Variants in FSD2 observed in about 807,000 individuals in gnomAD.
FSD2 encodes the protein fibronectin type III and SPRY domain containing 2, also known as fibronectin type III and SPRY domain-containing protein 2.
A neutral mutation model predicts 80.4 loss-of-function variants in FSD2; 71 were observed. That is an observed-to-expected ratio of 0.88 (90% CI 0.73 to 1.08). The LOEUF is 1.08. Ranked by LOEUF, FSD2 falls within the 50% of genes least tolerant of loss-of-function variation. FSD2 has a pLI of 0.00. For missense variants in FSD2, 923 were observed against 913.8 expected (o/e 1.01, Z -0.13); for synonymous variants, 361 against 329.5 (o/e 1.10, Z -1.03).
At chr15:82,789,427 G>GTGTTAGGCAGTTTATA (rs1567316576) in intron 1 of FSD2, among the ~76,000 whole-genome samples, 9 of 151,724 alleles carry the variant, frequency 5.9e-5, no homozygotes, top group African/African-American at 2.2e-4. Flanking sequence ...AACACTTATC[G>GTGTTAGGCAGTTTATA]TATGCCTTTT....
chr15:82,776,868 A>G (rs2049725086), intron 6 of FSD2, among the ~76,000 whole-genome samples: 1 of 152,234 alleles, frequency 6.6e-6, no homozygotes, highest in African/African-American at 2.4e-5. Context: ...AGTATGGTAC[A>G]GGCATAAGGA....
rs1187009820 is a variant in FSD2 at position 82,797,049 on chromosome 15, AG to A, written c.-79+8916del. ...AAAAAAAAAAAAAAAAAACACCTCCAGGGGACTAAATGGAAGGACAATTTGA... is the reference window on the plus strand; with the variant it reads ...AAAAAAAAAAAAAAAAAACACCTCCAGGGACTAAATGGAAGGACAATTTGA... On this transcript the variant is annotated intron_variant, in intron 1 of 12. Transcript: ENST00000334574. Among the ~76,000 whole-genome samples the A allele has an allele frequency of 1.4e-4, 20 of 147,650 alleles. No individual in the cohort carries two copies. In the Admixed American group the frequency reaches 1.4e-3, roughly 10 times the overall value.
chr15:82,762,841 G>C (rs767811977), intron 11 of FSD2, among the ~76,000 whole-genome samples: 17 of 152,160 alleles, frequency 1.1e-4, no homozygotes, highest in Non-Finnish European at 1.8e-4. Context: ...GTTATGTTTT[G>C]TTCTACATCA....
intron 7 of FSD2, 76 bp from the exon 8 acceptor site, chr15:82,769,960 A>G: frequency 1.9e-6 from 3 of 1,557,448 alleles, no homozygotes; most frequent in Non-Finnish European, 2.6e-6. Flanking sequence ...CGAATCCCAC[A>G]GTAGTAGATT....
At chr15:82,760,014 G>A (rs752965510) in intron 12 of FSD2, among the ~76,000 whole-genome samples, 7 of 152,032 alleles carry the variant, frequency 4.6e-5, no homozygotes, top group African/African-American at 7.2e-5. Context: ...GGCTGGTCTC[G>A]AACTCCTGAG....
chr15:82,784,253 T>A (rs1016236329), intron 3 of FSD2, among the ~76,000 whole-genome samples: 4 of 151,370 alleles, frequency 2.6e-5, no homozygotes, highest in African/African-American at 7.3e-5. Flanking sequence ...TTATTTTATT[T>A]TATTTTTTTT....
At chr15:82,777,266 C>T (rs2049736064) in intron 6 of FSD2, among the ~76,000 whole-genome samples, 1 of 152,056 alleles carries the variant, frequency 6.6e-6, no homozygotes, top group Non-Finnish European at 1.5e-5. Context: ...GCAAAATAAA[C>T]CATTAACAGA....
At chr15:82,771,812 AGAC>A (rs2049581445) in intron 7 of FSD2, among the ~76,000 whole-genome samples, 1 of 152,232 alleles carries the variant, frequency 6.6e-6, no homozygotes, top group Non-Finnish European at 1.5e-5. Flanking sequence ...GGGCAGCCAG[AGAC>A]TGGTCCCAGG....
At chr15:82,796,476 C>G (rs371411219) in intron 1 of FSD2, 1 of 153,796 alleles carries the variant, frequency 6.5e-6, no homozygotes, top group Admixed American at 6.5e-5. Context: ...TTAGGAGAAC[C>G]AACGGAAAGT....
chr15:82,773,833 A>G (rs1294458646), intron 6 of FSD2, among the ~76,000 whole-genome samples: 1 of 152,238 alleles, frequency 6.6e-6, no homozygotes, highest in Admixed American at 6.5e-5. Context: ...TGATATTGCA[A>G]AAGAATTTAT....
At chr15:82,778,929 T>C in intron 5 of FSD2, 42 bp from the exon 6 acceptor site, 1 of 1,610,928 alleles carries the variant, frequency 6.2e-7, no homozygotes, top group Non-Finnish European at 8.5e-7. Context: ...TGGAGGGGCA[T>C]TCTCCTTAGG....
At chr15:82,779,444 C>G (rs2049799136) in intron 5 of FSD2, among the ~76,000 whole-genome samples, 1 of 152,102 alleles carries the variant, frequency 6.6e-6, no homozygotes, top group Admixed American at 6.5e-5. Context: ...GCAGGCAGAG[C>G]ACCTGAAGTC....
chr15:82,793,860 C>A (rs1239037193), intron 1 of FSD2, among the ~76,000 whole-genome samples: 1 of 151,764 alleles, frequency 6.6e-6, no homozygotes, highest in Non-Finnish European at 1.5e-5. Flanking sequence ...ATTTCTGATT[C>A]TAGTCATTTG....
intron 1 of FSD2, among the ~76,000 whole-genome samples, chr15:82,790,678 C>T (rs1002444950): frequency 3.3e-5 from 5 of 151,656 alleles, no homozygotes; most frequent in Non-Finnish European, 7.4e-5. Context: ...CGGGTTCACG[C>T]CATCCTCCTG....
chr15:82,778,154 AT>A lies in FSD2; in HGVS notation c.1111+611del, dbSNP rs1567307838. 3.0e-4 allele frequency among the ~76,000 whole-genome samples: 42 copies of A among 139,222 alleles called. No individual in the cohort carries two copies. In the East Asian group the frequency reaches 7.3e-3, roughly 24 times the overall value. 91.3% of individuals were successfully genotyped at this position (139,222 alleles called of 152,430 possible). On this transcript the variant is annotated intron_variant, in intron 6 of 12. Coordinates refer to ENST00000334574, the MANE Select transcript of FSD2 (RefSeq NM_001007122.4). ...TATATATATATATATATATATATAT[AT>A]ATAATAACTATTACATGATCTAGTA...
intron 11 of FSD2, 82 bp downstream of exon 11, chr15:82,765,084 G>T: frequency 6.9e-7 from 1 of 1,442,338 alleles, no homozygotes; most frequent in Non-Finnish European, 9.2e-7. Flanking sequence ...GGCTGCCTCC[G>T]TGCCATATTC....
chr15:82,764,492 CTTT>C lies in FSD2; in HGVS notation c.1820+671_1820+673del, dbSNP rs60095355. On this transcript the variant is annotated intron_variant, in intron 11 of 12. Transcript: ENST00000334574. ...CTCTTGTTGCTTCATTCTTTACTTG[CTTT>C]TTTTTTTTTTTTTTTTTGAGAAGGA... Among the ~76,000 whole-genome samples the C allele has an allele frequency of 3.1e-3, 269 of 86,090 alleles. 4 individuals carry two copies. Among genetic ancestry groups the C allele is most frequent in the South Asian group, 7.2e-3 (16 of 2,228 alleles). 56.5% of individuals were successfully genotyped at this position (86,090 alleles called of 152,430 possible).
intron 6 of FSD2, 93 bp from the exon 7 acceptor site, chr15:82,772,321 A>G: frequency 7.8e-7 from 1 of 1,277,106 alleles, no homozygotes; most frequent in Non-Finnish European, 1.1e-6. Flanking sequence ...CCCCCAATGA[A>G]TCCACAGCCT....
chr15:82,762,226 C>G lies in FSD2; in HGVS notation c.1873G>C (p.Glu625Gln). The stretch of plus-strand genomic sequence containing the variant: ...TCCAAATGCTCATCCACCTCCACCT[C>G]CCAGTAATGGTGCCCTCGGACTGGA... ...LIPVRGHHYW[E>Q]VEVDEHLDYR... The change falls in exon 12 of 13, where the codon GAG (glutamate) becomes CAG (glutamine). Residue 625 changes from glutamate to glutamine, a missense_variant. Coordinates refer to ENST00000334574, the MANE Select transcript of FSD2 (RefSeq NM_001007122.4). 1 of 1,613,982 alleles carries G rather than the reference C, an allele frequency of 6.2e-7. No homozygotes were observed. The highest frequency in any genetic ancestry group is 1.1e-5 in the South Asian group (1 of 91,084).
Sources: allele counts gnomAD v4.1 joint callset (sites outside exome capture counted in the v4.1 genomes callset), GRCh38; gene constraint gnomAD v4.1.1; transcripts MANE v1.5; gene names NCBI Gene and HGNC (gene_info 2026-07-23, HGNC 2026-07-21).